HTR5A: variants seen among roughly 807,000 people sequenced by gnomAD.
HTR5A encodes 5-HT-5.
HTR5A carries 21 observed loss-of-function variants against 24.3 expected under a neutral mutation model. That is an observed-to-expected ratio of 0.86 (90% confidence interval 0.61 to 1.24). The LOEUF is 1.24. Among genes scored for constraint, HTR5A ranks in the 50% most tolerant of loss-of-function variants. The probability of loss-of-function intolerance (pLI) is 0.00; values close to 1 mark genes in which losing one functional copy is unlikely to be tolerated. For missense variants in HTR5A, 497 were observed against 489.5 expected (o/e 1.02, Z -0.15); for synonymous variants, 260 against 213.7 (o/e 1.22, Z -1.89).
At position 155,086,340 on chromosome 7, in the gene HTR5A, A is replaced by G. The variant is rs1232067325; in HGVS notation, c.*1853A>G. ...CTGAAAATCCATGTGAAAACTTTTA[A>G]TCCATAAATCGTGAGTGTCTTACTG... On this transcript the variant is annotated 3_prime_UTR_variant, in exon 2 of 2. Transcript: ENST00000287907. Among the ~76,000 whole-genome samples the G allele has an allele frequency of 6.6e-6, 1 of 152,232 alleles. No homozygotes were observed. Among genetic ancestry groups the G allele is most frequent in the Non-Finnish European group, 1.5e-5 (1 of 68,040 alleles).
At chr7:155,082,249 T>G (rs942919239) in intron 1 of HTR5A, among the ~76,000 whole-genome samples, 2 of 151,854 alleles carry the variant, frequency 1.3e-5, no homozygotes, top group Admixed American at 1.3e-4. Context: ...GGGTCACCAA[T>G]GTGACCAGCA....
In HTR5A at chr7:155,084,457, C is replaced by T. The variant is rs1795453917; in HGVS notation, c.1044C>T (p.Ala348=). ...CTTTCAACAAGAACTACAACAGCGC[C>T]TTCAAGAACTTCTTTTCTAGGCAAC... The part of the protein sequence containing the change: ...YTAFNKNYNS[A]FKNFFSRQH The change falls in exon 2 of 2, where the codon GCC becomes GCT. Residue 348 remains alanine, a synonymous_variant. Coordinates refer to ENST00000287907, the MANE Select transcript of HTR5A (RefSeq NM_024012.4). 2.5e-6 allele frequency: 4 copies of T among 1,613,024 alleles called. No homozygotes were observed. In the African/African-American group the frequency reaches 4.0e-5, roughly 16 times the overall value.
At position 155,071,451 on chromosome 7, in the gene HTR5A, G is replaced by C. The variant is rs376142972; in HGVS notation, c.552G>C (p.Thr184=). The change falls in exon 1 of 2, where the codon ACG becomes ACC. Residue 184 remains threonine (T), a synonymous_variant. Transcript: ENST00000287907. The stretch of plus-strand genomic sequence containing the variant: ...CGCTGCTTTTTGGCTGGGGAGAGAC[G>C]TACTCTGAGGGCAGCGAGGAGTGCC... ...LAPLLFGWGE[T]YSEGSEECQV... is the part of the protein sequence containing the mutation. The C allele has an allele frequency of 1.7e-5, 27 of 1,614,222 alleles. No individual in the cohort carries two copies. In the African/African-American group the frequency reaches 3.1e-4, roughly 18 times the overall value.
chr7:155,084,123 C>A lies in HTR5A; in HGVS notation c.742-32C>A, dbSNP rs1273236830. On this transcript the variant is annotated intron_variant, in intron 1 of 1. Coordinates refer to ENST00000287907, the MANE Select transcript of HTR5A (RefSeq NM_024012.4). ...CAGCCTAGCAGGTAGACTGAGGTGG[C>A]TCCTCATAAAGCTCCTGCTTGTCTT... 3.3e-6 allele frequency: 5 copies of A among 1,527,378 alleles called. No homozygotes were observed. The East Asian group carries it at 9.1e-5, about 28-fold the overall frequency. The allele number at this position is 1,527,378 out of a possible 1,614,324, so 94.6% of individuals were successfully genotyped here. A position where few individuals can be genotyped will look rare whatever the true frequency, so the allele number is the denominator to read the frequency against.
chr7:155,070,629 C>T lies in HTR5A; in HGVS notation c.-271C>T. The T allele has an allele frequency of 2.0e-6, 1 of 510,728 alleles. No individual in the cohort carries two copies. Among genetic ancestry groups the T allele is most frequent in the Admixed American group, 3.4e-5 (1 of 29,530 alleles). The allele number at this position is 510,728 out of a possible 1,614,324, so 31.6% of individuals were successfully genotyped here. A position where few individuals can be genotyped will look rare whatever the true frequency, so the allele number is the denominator to read the frequency against. ...AAGGCGAGGAGCCCTGGGCTCCTGA[C>T]AGCTTAGGCGGGCCCTGGCTGCGAC... On this transcript the variant is annotated 5_prime_UTR_variant, in exon 1 of 2. Transcript: ENST00000287907.
At chr7:155,077,620 T>C (rs1194344822) in intron 1 of HTR5A, among the ~76,000 whole-genome samples, 2 of 152,008 alleles carry the variant, frequency 1.3e-5, no homozygotes, top group East Asian at 3.9e-4. Flanking sequence ...TGTGCCACCA[T>C]GCCTGGCTAA....
At chr7:155,074,162 C>A (rs780917194) in intron 1 of HTR5A, among the ~76,000 whole-genome samples, 22 of 151,902 alleles carry the variant, frequency 1.4e-4, no homozygotes, top group Non-Finnish European at 2.9e-4. Flanking sequence ...CTGGGGAAAC[C>A]ACAACACTTC....
Position 155,071,212 on chromosome 7 carries a change from C to A in HTR5A, c.313C>A (p.Arg105Ser), listed in dbSNP as rs199909178. 9 of 1,603,018 alleles carry A rather than the reference C, an allele frequency of 5.6e-6. No homozygotes were observed. Among genetic ancestry groups the A allele is most frequent in the Non-Finnish European group, 2.5e-6 (3 of 1,179,852 alleles). The change falls in exon 1 of 2, where the codon CGC becomes AGC. Residue 105 changes from arginine (R) to serine (S), a missense_variant. Physicochemically the swap from Arg to Ser is moderately radical, Grantham distance 110. Coordinates refer to ENST00000287907, the MANE Select transcript of HTR5A (RefSeq NM_024012.4). ...PLSLVHELSG[R>S]RWQLGRRLCQ... The stretch of plus-strand genomic sequence containing the variant: ...GAGCCTGGTGCACGAGCTGTCCGGG[C>A]GCCGCTGGCAGCTAGGTCGGAGGCT...
At chr7:155,076,851 C>A (rs1013374276) in intron 1 of HTR5A, among the ~76,000 whole-genome samples, 1 of 152,154 alleles carries the variant, frequency 6.6e-6, no homozygotes, top group Non-Finnish European at 1.5e-5. Context: ...TGAATTGATG[C>A]CTGTAATTTC....
chr7:155,076,049 T>G (rs1459540747), intron 1 of HTR5A, among the ~76,000 whole-genome samples: 1 of 152,212 alleles, frequency 6.6e-6, no homozygotes, highest in Non-Finnish European at 1.5e-5. Context: ...ATTGAGACAC[T>G]TAACGTCAGC....
At chr7:155,075,937 C>T (rs941094704) in intron 1 of HTR5A, among the ~76,000 whole-genome samples, 1 of 152,142 alleles carries the variant, frequency 6.6e-6, no homozygotes, top group Non-Finnish European at 1.5e-5. Context: ...CCTTTGGACT[C>T]TTCATAAGGA....
Position 155,082,538 on chromosome 7 carries a change from T to A in HTR5A, c.742-1617T>A, listed in dbSNP as rs150415043. On this transcript the variant is annotated intron_variant, in intron 1 of 1. Transcript: ENST00000287907. Reference sequence around the variant, plus strand: ...CCACAGTGTGACCATGTCTCAAGTATGACCAGTGTTACCAGTGTCCCCATT... The same window carrying A: ...CCACAGTGTGACCATGTCTCAAGTAAGACCAGTGTTACCAGTGTCCCCATT... 3.3e-3 allele frequency among the ~76,000 whole-genome samples: 501 copies of A among 152,326 alleles called. 3 individuals are homozygous for A. The highest frequency in any genetic ancestry group is 6.8e-3 in the Admixed American group (104 of 15,308).
intron 1 of HTR5A, among the ~76,000 whole-genome samples, chr7:155,081,295 C>A (rs1262557611): frequency 6.6e-6 from 1 of 152,078 alleles, no homozygotes; most frequent in Non-Finnish European, 1.5e-5. Context: ...CATTGACTAT[C>A]TAGGACATTA....
chr7:155,072,611 A>G (rs1430891242), intron 1 of HTR5A, among the ~76,000 whole-genome samples: 1 of 152,132 alleles, frequency 6.6e-6, no homozygotes, highest in Non-Finnish European at 1.5e-5. Flanking sequence ...TCACACATTT[A>G]GGTTAGACCA....
Position 155,071,184 on chromosome 7 carries a change from G to A in HTR5A, c.285G>A (p.Pro95=). ...TCCTGGTGGCCGCGCTGGTCATGCC[G>A]CTGAGCCTGGTGCACGAGCTGTCCG... ...SDVLVAALVM[P]LSLVHELSGR... is the part of the protein sequence containing the mutation. The change falls in exon 1 of 2, where the codon CCG becomes CCA. Residue 95 remains proline, a synonymous_variant. Coordinates refer to ENST00000287907, the MANE Select transcript of HTR5A (RefSeq NM_024012.4). The A allele has an allele frequency of 6.2e-7, 1 of 1,602,688 alleles. No individual in the cohort carries two copies. The highest frequency in any genetic ancestry group is 8.5e-7 in the Non-Finnish European group (1 of 1,179,864).
intron 1 of HTR5A, among the ~76,000 whole-genome samples, chr7:155,079,600 C>G (rs1795394524): frequency 6.6e-6 from 1 of 152,154 alleles, no homozygotes; most frequent in East Asian, 1.9e-4. Context: ...TTTCATTCAT[C>G]AGATGTTTTT....
Position 155,084,809 on chromosome 7 carries a change from G to A in HTR5A, c.*322G>A. The A allele has an allele frequency of 4.4e-6, 1 of 226,692 alleles. No individual in the cohort carries two copies. The highest frequency in any genetic ancestry group is 8.4e-6 in the Non-Finnish European group (1 of 118,854). The allele number at this position is 226,692 out of a possible 1,614,324, so 14.0% of individuals were successfully genotyped here. ...ATCGACATTGTCTTAAAGAAGTCAA[G>A]GCAAATAAGAAGGAGGAGGTAAAAC... On this transcript the variant is annotated 3_prime_UTR_variant, in exon 2 of 2. Transcript: ENST00000287907.
At position 155,085,796 on chromosome 7, in the gene HTR5A, A is replaced by C. The variant is rs926401763; in HGVS notation, c.*1309A>C. 1 of 152,224 alleles carries C rather than the reference A, an allele frequency of 6.6e-6. No homozygotes were observed. Among genetic ancestry groups the C allele is most frequent in the African/African-American group, 2.4e-5 (1 of 41,454 alleles). 9.4% of individuals were successfully genotyped at this position (152,224 alleles called of 1,614,324 possible). A position where few individuals can be genotyped will look rare whatever the true frequency, so the allele number is the denominator to read the frequency against. On this transcript the variant is annotated 3_prime_UTR_variant, in exon 2 of 2. Transcript: ENST00000287907. ...ATATTGTATATAATAAATTATATCA[A>C]TTAAGAGTTCAAACATAGGAAATTT...
In HTR5A at chr7:155,074,308, C is replaced by T. The variant is rs141891655; in HGVS notation, c.741+2668C>T. 1.0e-3 allele frequency among the ~76,000 whole-genome samples: 159 copies of T among 152,248 alleles called. 1 individual carries two copies. The East Asian group carries it at 0.028, about 26-fold the overall frequency. On this transcript the variant is annotated intron_variant, in intron 1 of 1. Transcript: ENST00000287907. ...TTGTCAAAGGAAGAGGAAGCCACTGCTAGAGATCTGAAATAAAATGACAAA... is the reference window on the plus strand; with the variant it reads ...TTGTCAAAGGAAGAGGAAGCCACTGTTAGAGATCTGAAATAAAATGACAAA...
Sources: allele counts gnomAD v4.1 joint callset (sites outside exome capture counted in the v4.1 genomes callset), GRCh38; gene constraint gnomAD v4.1.1; transcripts MANE v1.5; gene names NCBI Gene and HGNC (gene_info 2026-07-23, HGNC 2026-07-21).